SPHKAP: variants seen among roughly 807,000 people sequenced by gnomAD.
SPHKAP encodes the protein A-kinase anchor protein SPHKAP.
A neutral mutation model predicts 137.5 loss-of-function variants in SPHKAP; 67 were observed. That is an observed-to-expected ratio of 0.49 (90% CI 0.40 to 0.60). The LOEUF is 0.60. Ranked by LOEUF, SPHKAP falls within the 20% of genes least tolerant of loss-of-function variation. The pLI, the probability that SPHKAP is intolerant of heterozygous loss-of-function variation, is 0.00. For synonymous variants in SPHKAP, 813 were observed against 785.3 expected (o/e 1.04, Z -0.59); for missense variants, 2,097 against 2,069.3 (o/e 1.01, Z -0.26).
At chr2:228,059,649 G>A (rs763641758) in intron 3 of SPHKAP, among the ~76,000 whole-genome samples, 1 of 152,156 alleles carries the variant, frequency 6.6e-6, no homozygotes, top group African/African-American at 2.4e-5. Context: ...TAGGTAACAC[G>A]AAACTTAAAT....
intron 1 of SPHKAP, among the ~76,000 whole-genome samples, chr2:228,154,208 C>T (rs1423125181): frequency 6.6e-6 from 1 of 151,434 alleles, no homozygotes. Flanking sequence ...TCATGTAAGT[C>T]CTAAACTGTA....
chr2:228,058,647 C>G (rs560650954), intron 3 of SPHKAP, among the ~76,000 whole-genome samples: 25 of 152,204 alleles, frequency 1.6e-4, no homozygotes, highest in Non-Finnish European at 3.4e-4. Flanking sequence ...TTACTACCTA[C>G]ACACACAGAT....
At chr2:228,052,041 A>G (rs1056457271) in intron 3 of SPHKAP, among the ~76,000 whole-genome samples, 2 of 152,214 alleles carry the variant, frequency 1.3e-5, no homozygotes, top group African/African-American at 4.8e-5. Context: ...GCCCAACAAA[A>G]GCGAGCTCCA....
chr2:228,130,343 CTTTAT>C (rs1699210398), intron 2 of SPHKAP, among the ~76,000 whole-genome samples: 2 of 152,096 alleles, frequency 1.3e-5, no homozygotes, highest in South Asian at 2.1e-4. Flanking sequence ...TGATAGAGAT[CTTTAT>C]TTTGAGTGCA....
intron 1 of SPHKAP, among the ~76,000 whole-genome samples, chr2:228,155,635 C>T (rs1700086876): frequency 6.6e-6 from 1 of 152,084 alleles, no homozygotes; most frequent in Admixed American, 6.6e-5. Context: ...ATTGGCATAG[C>T]AGGTTTATGC....
intron 2 of SPHKAP, 72 bp from the exon 3 acceptor site, chr2:228,109,011 T>C: frequency 9.8e-7 from 1 of 1,016,084 alleles, no homozygotes; most frequent in Middle Eastern, 2.7e-4. Context: ...CTCTCTCTTT[T>C]TTTTTTTTCT....
chr2:228,047,484 A>T (rs888519028), intron 3 of SPHKAP, among the ~76,000 whole-genome samples: 9 of 151,608 alleles, frequency 5.9e-5, no homozygotes, highest in Non-Finnish European at 1.3e-4. Flanking sequence ...AAAAAAAAAC[A>T]AAAAACAACC....
intron 1 of SPHKAP, among the ~76,000 whole-genome samples, chr2:228,152,758 T>C (rs1375222102): frequency 3.3e-5 from 5 of 151,932 alleles, no homozygotes; most frequent in African/African-American, 4.8e-5. Flanking sequence ...ATATAATATG[T>C]ATACTTACCT....
At chr2:228,128,316 C>T (rs1390229793) in intron 2 of SPHKAP, among the ~76,000 whole-genome samples, 1 of 152,156 alleles carries the variant, frequency 6.6e-6, no homozygotes, top group Non-Finnish European at 1.5e-5. Flanking sequence ...GAGTAGAGTC[C>T]ATCTCAAGAA....
intron 2 of SPHKAP, among the ~76,000 whole-genome samples, chr2:228,114,495 C>A (rs1054633873): frequency 1.3e-5 from 2 of 152,070 alleles, no homozygotes; most frequent in Admixed American, 6.6e-5. Flanking sequence ...ACTGAATGAG[C>A]TTGGGCAAGT....
At chr2:228,068,688 A>C (rs747949706) in intron 3 of SPHKAP, among the ~76,000 whole-genome samples, 4 of 152,224 alleles carry the variant, frequency 2.6e-5, no homozygotes, top group Admixed American at 6.5e-5. Context: ...ATACAAAAAC[A>C]AAATCAAAAT....
intron 3 of SPHKAP, among the ~76,000 whole-genome samples, chr2:228,064,303 T>A (rs1007710029): frequency 6.6e-6 from 1 of 152,174 alleles, no homozygotes; most frequent in Non-Finnish European, 1.5e-5. Context: ...CTCAACTTAG[T>A]ATTTATTGCA....
In SPHKAP at chr2:228,131,378, A is replaced by T. The variant is rs952357786; in HGVS notation, c.138+602T>A. Reference sequence around the variant, plus strand: ...GGGGAACCAGGATCGTGGACATTCTACTTCAAGTTTTGGGGCCTTAGATTT... The same window carrying T: ...GGGGAACCAGGATCGTGGACATTCTTCTTCAAGTTTTGGGGCCTTAGATTT... On this transcript the variant is annotated intron_variant, in intron 2 of 11. Transcript: ENST00000392056. 1.5e-5 allele frequency: 13 copies of T among 885,416 alleles called. No homozygotes were observed. The African/African-American group carries it at 2.2e-4, about 15-fold the overall frequency. The allele number at this position is 885,416 out of a possible 1,614,324, so 54.8% of individuals were successfully genotyped here.
chr2:228,167,744 A>G (rs1215972760), intron 1 of SPHKAP, among the ~76,000 whole-genome samples: 1 of 152,184 alleles, frequency 6.6e-6, no homozygotes, highest in Non-Finnish European at 1.5e-5. Context: ...GTTCAAAATT[A>G]TAGGCTTGTA....
intron 3 of SPHKAP, among the ~76,000 whole-genome samples, chr2:228,039,481 T>C (rs1285460263): frequency 6.6e-6 from 1 of 152,190 alleles, no homozygotes; most frequent in Admixed American, 6.5e-5. Flanking sequence ...GTAATCACAG[T>C]GATTACTCTT....
intron 3 of SPHKAP, among the ~76,000 whole-genome samples, chr2:228,092,704 T>C (rs1300275258): frequency 6.7e-6 from 1 of 150,210 alleles, no homozygotes; most frequent in East Asian, 2.0e-4. Context: ...TATATATATG[T>C]ATATATATAA....
chr2:228,004,649 A>G (rs1228653487), intron 7 of SPHKAP, among the ~76,000 whole-genome samples: 1 of 152,012 alleles, frequency 6.6e-6, no homozygotes, highest in Non-Finnish European at 1.5e-5. Context: ...TTGTGATGTT[A>G]GGGTGTCAAT....
intron 7 of SPHKAP, among the ~76,000 whole-genome samples, chr2:228,013,894 G>C (rs1490996548): frequency 6.6e-6 from 1 of 152,122 alleles, no homozygotes; most frequent in East Asian, 1.9e-4. Context: ...TGAATTTCTA[G>C]GGTGGATGAC....
chr2:228,030,543 C>CAAAAAAAAAA (rs1553615001), intron 3 of SPHKAP, among the ~76,000 whole-genome samples: 24 of 78,606 alleles, frequency 3.1e-4, no homozygotes, highest in Non-Finnish European at 3.8e-4. Context: ...CAACAAAAAA[C>CAAAAAAAAAA]AAAAAAAAAA....
Sources: gnomAD v4.1 joint callset for allele counts (sites outside exome capture counted in the v4.1 genomes callset) on GRCh38, gnomAD v4.1.1 for gene constraint, MANE v1.5 for transcripts, NCBI Gene and HGNC (gene_info 2026-07-23, HGNC 2026-07-21) for gene names.